MYO5B: variants seen among roughly 807,000 people sequenced by gnomAD.
The protein encoded by MYO5B is myosin VB, also known as unconventional myosin-Vb.
MYO5B carries 143 observed loss-of-function variants against 229.3 expected under a neutral mutation model. The observed-to-expected ratio is 0.62, with a 90% CI of 0.54 to 0.72. MYO5B has a LOEUF of 0.72. Ranked by LOEUF, MYO5B falls within the 30% of genes least tolerant of loss-of-function variation. MYO5B has a pLI of 0.00. For synonymous variants in MYO5B, 918 were observed against 885.2 expected, an observed-to-expected ratio of 1.04 and a Z score of -0.66; for missense variants, 2,321 against 2,331.0, an observed-to-expected ratio of 1.00 and a Z score of 0.09.
At chr18:49,837,922 T>G in intron 36 of MYO5B, 120 bp from the exon 37 acceptor site, 1 of 1,317,290 alleles carries the variant, frequency 7.6e-7, no homozygotes, top group Non-Finnish European at 1.1e-6. Context: ...GTGTGCAATG[T>G]TGACATGCTT....
At chr18:50,155,180 G>A (rs2032660568) in intron 1 of MYO5B, among the ~76,000 whole-genome samples, 1 of 152,156 alleles carries the variant, frequency 6.6e-6, no homozygotes, top group African/African-American at 2.4e-5. Flanking sequence ...CTCCAGGTAC[G>A]AGGCAGCTAC....
At chr18:50,065,084 T>G (rs1400592951) in intron 1 of MYO5B, among the ~76,000 whole-genome samples, 1 of 152,238 alleles carries the variant, frequency 6.6e-6, no homozygotes, top group Non-Finnish European at 1.5e-5. Flanking sequence ...CTCTCAATTT[T>G]CCTTCCACAG....
intron 4 of MYO5B, among the ~76,000 whole-genome samples, chr18:50,014,560 T>C (rs1021907135): frequency 1.3e-5 from 2 of 152,182 alleles, no homozygotes; most frequent in African/African-American, 4.8e-5. Context: ...TTCACTGTAA[T>C]GCGGCACCTA....
At chr18:50,002,715 A>T (rs957583779) in intron 4 of MYO5B, among the ~76,000 whole-genome samples, 2 of 152,232 alleles carry the variant, frequency 1.3e-5, no homozygotes, top group African/African-American at 4.8e-5. Context: ...CAGTGTCTGT[A>T]ACTGTGCCTG....
intron 1 of MYO5B, among the ~76,000 whole-genome samples, chr18:50,081,968 A>T (rs1373050101): frequency 6.6e-6 from 1 of 152,266 alleles, no homozygotes; most frequent in Non-Finnish European, 1.5e-5. Flanking sequence ...TGTTTGGTTT[A>T]ACAAAATTCT....
intron 1 of MYO5B, among the ~76,000 whole-genome samples, chr18:50,114,676 G>A (rs2031926030): frequency 6.6e-6 from 1 of 152,228 alleles, no homozygotes; most frequent in African/African-American, 2.4e-5. Context: ...CAAAGAACTA[G>A]AGGACCAGAA....
chr18:49,929,474 G>C lies in MYO5B; in HGVS notation c.2090+38C>G, dbSNP rs762185088. 3 of 1,544,712 alleles carry C rather than the reference G, an allele frequency of 1.9e-6. No individual in the cohort carries two copies. In the African/African-American group the frequency reaches 4.1e-5, roughly 21 times the overall value. Reference sequence around the variant, plus strand: ...GGGAACCAAACTCTGGCTGCTCTAGGGCAGCCCCAGGAGGCAGCTGGCGGG... The same window carrying C: ...GGGAACCAAACTCTGGCTGCTCTAGCGCAGCCCCAGGAGGCAGCTGGCGGG... On this transcript the variant is annotated intron_variant, in intron 17 of 39. Transcript: ENST00000285039.
At chr18:50,163,059 C>T (rs772466365) in intron 1 of MYO5B, among the ~76,000 whole-genome samples, 1 of 152,168 alleles carries the variant, frequency 6.6e-6, no homozygotes, top group Admixed American at 6.5e-5. Context: ...AAAATGACTT[C>T]GTGAAGTATA....
At chr18:49,859,864 C>A (rs1458386488) in intron 29 of MYO5B, among the ~76,000 whole-genome samples, 1 of 152,234 alleles carries the variant, frequency 6.6e-6, no homozygotes, top group African/African-American at 2.4e-5. Context: ...AGGCAGCCCA[C>A]AGCAGCCGAG....
At chr18:49,891,311 C>A (rs2024711835) in intron 22 of MYO5B, among the ~76,000 whole-genome samples, 1 of 152,142 alleles carries the variant, frequency 6.6e-6, no homozygotes. Flanking sequence ...GAAATCATAC[C>A]CCTCAGGCCC....
At chr18:49,935,734 C>T (rs2025242155) in intron 16 of MYO5B, among the ~76,000 whole-genome samples, 1 of 152,154 alleles carries the variant, frequency 6.6e-6, no homozygotes, top group Admixed American at 6.5e-5. Context: ...GTTTCAAGGT[C>T]AGGGTAGAAA....
chr18:50,185,745 GT>G (rs2033139196), intron 1 of MYO5B, among the ~76,000 whole-genome samples: 9 of 152,228 alleles, frequency 5.9e-5, no homozygotes, highest in Non-Finnish European at 7.3e-5. Flanking sequence ...ACACATTACA[GT>G]ATATGGCATC....
chr18:50,068,006 T>C (rs557042409), intron 1 of MYO5B, among the ~76,000 whole-genome samples: 4 of 123,342 alleles, frequency 3.2e-5, no homozygotes, highest in African/African-American at 1.7e-4. Context: ...TACATACATA[T>C]ATACACACAC....
At chr18:49,847,557 G>T (rs1369678938) in intron 32 of MYO5B, among the ~76,000 whole-genome samples, 1 of 152,218 alleles carries the variant, frequency 6.6e-6, no homozygotes, top group East Asian at 1.9e-4. Flanking sequence ...ATAGGGGAGA[G>T]GAAACATCCG....
intron 1 of MYO5B, among the ~76,000 whole-genome samples, chr18:50,177,919 C>T (rs1204741841): frequency 6.6e-6 from 1 of 152,184 alleles, no homozygotes; most frequent in Non-Finnish European, 1.5e-5. Flanking sequence ...AGAGGGGTGC[C>T]ACAGCCCATC....
intron 1 of MYO5B, among the ~76,000 whole-genome samples, chr18:50,186,250 G>A (rs1461585840): frequency 6.6e-6 from 1 of 152,234 alleles, no homozygotes; most frequent in African/African-American, 2.4e-5. Context: ...TTGGACAACG[G>A]AGGTCCAGAG....
At chr18:50,140,148 C>T (rs1599050724) in intron 1 of MYO5B, among the ~76,000 whole-genome samples, 1 of 152,204 alleles carries the variant, frequency 6.6e-6, no homozygotes, top group Non-Finnish European at 1.5e-5. Flanking sequence ...GTAAAGCTCA[C>T]TGTAACTGGA....
intron 1 of MYO5B, among the ~76,000 whole-genome samples, chr18:50,119,953 T>G (rs1568114304): frequency 6.6e-6 from 1 of 152,162 alleles, no homozygotes; most frequent in Non-Finnish European, 1.5e-5. Context: ...GGCAGCCCTC[T>G]CATAGCTCCA....
chr18:49,897,379 G>A (rs1238809281), intron 21 of MYO5B, among the ~76,000 whole-genome samples: 1 of 152,144 alleles, frequency 6.6e-6, no homozygotes, highest in African/African-American at 2.4e-5. Flanking sequence ...CTGACCTTGT[G>A]TGTGTCTAGG....
Sources: allele counts gnomAD v4.1 joint callset (sites outside exome capture counted in the v4.1 genomes callset), GRCh38; gene constraint gnomAD v4.1.1; transcripts MANE v1.5; gene names NCBI Gene and HGNC (gene_info 2026-07-23, HGNC 2026-07-21).